The following ABCC4 variants were observed in gnomAD, a reference collection of about 807,000 sequenced individuals.
ABCC4 encodes the protein ATP-binding cassette sub-family C member 4.
In ABCC4, 102 loss-of-function variants were observed where a neutral mutation model predicts 168.5. The ratio of observed to expected loss-of-function variants is 0.61; its 90% CI spans 0.52 to 0.71. The LOEUF (loss-of-function observed/expected upper bound fraction) is 0.71. Among genes scored for constraint, ABCC4 ranks in the 30% least tolerant of loss-of-function variants. The pLI is 0.00. For missense variants in ABCC4, 1,402 were observed against 1,605.8 expected (o/e 0.87, Z 2.17); for synonymous variants, 617 against 590.7 (o/e 1.04, Z -0.65).
chr13:95,122,630 T>C (rs1313060718), intron 19 of ABCC4, among the ~76,000 whole-genome samples: 1 of 152,172 alleles, frequency 6.6e-6, no homozygotes, highest in African/African-American at 2.4e-5. Context: ...CAGGGGGCCT[T>C]CCCTCTCTTC....
At chr13:95,198,875 G>A (rs2038538155) in intron 8 of ABCC4, among the ~76,000 whole-genome samples, 2 of 152,072 alleles carry the variant, frequency 1.3e-5, no homozygotes, top group Admixed American at 1.3e-4. Flanking sequence ...ACCAAACCCT[G>A]CATGTTCTCA....
chr13:95,078,856 G>C (rs1594060519), intron 21 of ABCC4, among the ~76,000 whole-genome samples: 1 of 152,100 alleles, frequency 6.6e-6, no homozygotes, highest in East Asian at 1.9e-4. Context: ...ACAGAGTCCT[G>C]GAATGAAATT....
intron 1 of ABCC4, among the ~76,000 whole-genome samples, chr13:95,279,504 C>T (rs114529612): frequency 0.02 from 3,113 of 152,230 alleles, 97 homozygotes; most frequent in African/African-American, 0.071. Flanking sequence ...AGGTAGGAAA[C>T]TGTTCACGAA....
At chr13:95,225,764 AAAAATATAAAAATAT>A (rs2039446493) in intron 4 of ABCC4, among the ~76,000 whole-genome samples, 2 of 114,738 alleles carry the variant, frequency 1.7e-5, no homozygotes, top group African/African-American at 2.6e-5. Flanking sequence ...TAACAAATAT[AAAAATATAAAAATAT>A]AAAATATAAA....
chr13:95,282,698 C>A (rs977238823), intron 1 of ABCC4, among the ~76,000 whole-genome samples: 2 of 151,682 alleles, frequency 1.3e-5, no homozygotes, highest in Non-Finnish European at 2.9e-5. Context: ...TCATGCCTGG[C>A]TAATTTTTGT....
At position 95,070,377 on chromosome 13, in the gene ABCC4, G is replaced by A. The variant is rs181266477; in HGVS notation, c.3210+1285C>T. On this transcript the variant is annotated intron_variant, in intron 25 of 30. Coordinates refer to ENST00000645237, the MANE Select transcript of ABCC4 (RefSeq NM_005845.5). ...GGAGAAGGAGGGCACCCTGAGTGCAGGGGATGTGTGTCCATATTGGGAGTT... is the reference window on the plus strand; with the variant it reads ...GGAGAAGGAGGGCACCCTGAGTGCAAGGGATGTGTGTCCATATTGGGAGTT... Among the ~76,000 whole-genome samples, 15 of 152,280 alleles carry A rather than the reference G, an allele frequency of 9.9e-5. 1 individual carries two copies. Among genetic ancestry groups the A allele is most frequent in the African/African-American group, 3.6e-4 (15 of 41,580 alleles).
At chr13:95,140,404 T>C (rs1030581349) in intron 19 of ABCC4, among the ~76,000 whole-genome samples, 6 of 152,214 alleles carry the variant, frequency 3.9e-5, no homozygotes, top group Admixed American at 3.9e-4. Flanking sequence ...CAGCAAACCA[T>C]CCTATTAATT....
chr13:95,273,919 C>T (rs953599145), intron 1 of ABCC4, among the ~76,000 whole-genome samples: 3 of 151,038 alleles, frequency 2.0e-5, no homozygotes, highest in Non-Finnish European at 4.4e-5. Context: ...GGGGTTCACG[C>T]GATATCTGAT....
intron 22 of ABCC4, chr13:95,075,205 C>T (rs1566394932): frequency 7.5e-6 from 4 of 535,746 alleles, no homozygotes; most frequent in Non-Finnish European, 1.3e-5. Context: ...GAGAGAAAGA[C>T]CCCACAAGCC....
intron 20 of ABCC4, chr13:95,095,678 T>C (rs1390902115): frequency 6.6e-6 from 1 of 152,204 alleles, no homozygotes; most frequent in East Asian, 1.9e-4. Flanking sequence ...TGTACCTCAG[T>C]AACTTATGGA....
chr13:95,104,412 G>A (rs911999060), intron 20 of ABCC4, among the ~76,000 whole-genome samples: 8 of 152,210 alleles, frequency 5.3e-5, no homozygotes, highest in Admixed American at 3.3e-4. Context: ...ACATGTCCGG[G>A]TCTGATGTTG....
Position 95,021,618 on chromosome 13 carries a change from T to C in ABCC4, c.3935A>G (p.Asn1312Ser), listed in dbSNP as rs2031087842. Residue 1312 changes from asparagine (N) to serine (S), a missense_variant, in exon 31 of 31, where the codon AAT becomes AGT. This residue lies in a region of ABCC4 where 1,007 missense variants were observed against 1,127.3 expected (regional missense o/e 0.89). Coordinates refer to ENST00000645237, the MANE Select transcript of ABCC4 (RefSeq NM_005845.5). The part of the protein sequence containing the change: ...HTDHMVTNTS[N>S]GQPSTLTIFE... ...AATAGTTAAGGTCGAGGGCTGTCCA[T>C]TGGAAGTGTTTGTAACCATGTGGTC... 1.2e-6 allele frequency: 2 copies of C among 1,613,502 alleles called. No homozygotes were observed. The highest frequency in any genetic ancestry group is 1.7e-6 in the Non-Finnish European group (2 of 1,179,472).
intron 13 of ABCC4, among the ~76,000 whole-genome samples, chr13:95,175,254 T>C (rs185416705): frequency 1.3e-5 from 2 of 152,316 alleles, no homozygotes; most frequent in South Asian, 2.1e-4. Flanking sequence ...AGTTCCTATG[T>C]TCCAGCCCTC....
At chr13:95,192,715 C>T (rs572938395) in intron 9 of ABCC4, among the ~76,000 whole-genome samples, 2 of 152,228 alleles carry the variant, frequency 1.3e-5, no homozygotes, top group African/African-American at 4.8e-5. Context: ...GCCAGAAATT[C>T]AAGACCAGCC....
At position 95,044,257 on chromosome 13, in the gene ABCC4, G is replaced by C; in HGVS notation, c.3629+9C>G. On this transcript the variant is annotated intron_variant, in intron 28 of 30. Coordinates refer to ENST00000645237, the MANE Select transcript of ABCC4 (RefSeq NM_005845.5). ...TGGACTCAAGGTTACATGGACCTCA[G>C]CTTTATACCTTGGATCCACATTTGC... 6.2e-7 allele frequency: 1 copy of C among 1,606,980 alleles called. No individual in the cohort carries two copies. Among genetic ancestry groups the C allele is most frequent in the Non-Finnish European group, 8.5e-7 (1 of 1,176,642 alleles).
At chr13:95,125,237 T>A (rs1460461617) in intron 19 of ABCC4, among the ~76,000 whole-genome samples, 2 of 152,190 alleles carry the variant, frequency 1.3e-5, no homozygotes, top group Non-Finnish European at 2.9e-5. Flanking sequence ...GCTACTTTAC[T>A]GGACACATTT....
chr13:95,151,077 T>G (rs759920091), intron 19 of ABCC4, among the ~76,000 whole-genome samples: 2 of 152,250 alleles, frequency 1.3e-5, no homozygotes, highest in African/African-American at 4.8e-5. Context: ...TATGCTCATG[T>G]GTGTTGTATC....
chr13:95,057,364 C>T (rs1335387528), intron 26 of ABCC4, among the ~76,000 whole-genome samples: 4 of 152,070 alleles, frequency 2.6e-5, no homozygotes, highest in South Asian at 2.1e-4. Flanking sequence ...TTCGGCCTCC[C>T]GAGCAGCTGG....
At position 95,074,248 on chromosome 13, in the gene ABCC4, G is replaced by C; in HGVS notation, c.2883C>G (p.Ile961Met). 1.9e-6 allele frequency: 3 copies of C among 1,614,032 alleles called. No individual in the cohort carries two copies. Among genetic ancestry groups the C allele is most frequent in the Non-Finnish European group, 2.5e-6 (3 of 1,179,946 alleles). The change falls in exon 23 of 31, where the codon ATC (isoleucine) becomes ATG (methionine). Residue 961 changes from isoleucine (I) to methionine (M), a missense_variant. Transcript: ENST00000645237. ...GAATCAGGGACCCAAAGGCAACGAT[G>C]ATGACAAACATGGCACAGATGGCAT... is the stretch of plus-strand genomic sequence containing the variant. ...RLDAICAMFVIIVAFGSLILA... is the reference protein window; with the variant it reads ...RLDAICAMFVMIVAFGSLILA...
Sources: gnomAD v4.1 joint callset for allele counts (sites outside exome capture counted in the v4.1 genomes callset) on GRCh38, gnomAD v4.1.1 for gene constraint, gnomAD v4.1.1 regional missense constraint, MANE v1.5 for transcripts, NCBI Gene and HGNC (gene_info 2026-07-23, HGNC 2026-07-21) for gene names.